CEP350: variants seen among roughly 807,000 people sequenced by gnomAD.
The protein encoded by CEP350 is centrosomal protein 350, also known as centrosome-associated protein 350.
CEP350 carries 126 observed loss-of-function variants against 331.8 expected under a neutral mutation model. The observed-to-expected ratio is 0.38, with a 90% CI of 0.33 to 0.44. The LOEUF is 0.44. CEP350 is among the 20% of genes least tolerant of loss of function. The pLI, the probability that CEP350 is intolerant of heterozygous loss-of-function variation, is 1.00. For synonymous variants in CEP350, 1,200 were observed against 1,259.5 expected, an observed-to-expected ratio of 0.95 and a Z score of 1.00; for missense variants, 3,406 against 3,634.6, an observed-to-expected ratio of 0.94 and a Z score of 1.62.
intron 14 of CEP350, among the ~76,000 whole-genome samples, chr1:180,026,342 A>G (rs975179040): frequency 2.0e-5 from 3 of 151,970 alleles, no homozygotes; most frequent in Admixed American, 6.6e-5. Flanking sequence ...CGAGGGCCTC[A>G]CTTTGTTGCC....
At chr1:180,006,285 A>G (rs375658338) in intron 7 of CEP350, among the ~76,000 whole-genome samples, 169 bp from the exon 8 acceptor site, 4 of 152,102 alleles carry the variant, frequency 2.6e-5, no homozygotes, top group East Asian at 3.9e-4. Flanking sequence ...CCTTTTTTCC[A>G]TAAAAGGAGT....
In CEP350 at chr1:180,112,071, A is replaced by G. The variant is rs1661488829; in HGVS notation, c.*910A>G. The G allele has an allele frequency of 6.6e-6, 1 of 152,666 alleles. No homozygotes were observed. The highest frequency in any genetic ancestry group is 2.4e-5 in the African/African-American group (1 of 41,462). 9.5% of individuals were successfully genotyped at this position (152,666 alleles called of 1,614,324 possible). On this transcript the variant is annotated 3_prime_UTR_variant, in exon 38 of 38. Transcript: ENST00000367607. ...TCCCCAAGAAGTCAGAGATGCTGTT[A>G]CTTGAATGATTTAGGAAATGAGTGT...
intron 37 of CEP350, among the ~76,000 whole-genome samples, chr1:180,110,293 G>T (rs577800923): frequency 4.3e-4 from 66 of 152,228 alleles, no homozygotes; most frequent in African/African-American, 1.5e-3. Context: ...ACATCACGAT[G>T]GTATGAAAGC....
At chr1:180,080,699 T>C in intron 30 of CEP350, 38 bp downstream of exon 30, 1 of 1,576,964 alleles carries the variant, frequency 6.3e-7, no homozygotes, top group Non-Finnish European at 8.7e-7. Context: ...TTGTGTTGTA[T>C]TTGAACAGCC....
intron 5 of CEP350, 24 bp downstream of exon 5, chr1:179,992,245 G>A (rs1341537752): frequency 1.2e-5 from 17 of 1,440,958 alleles, no homozygotes; most frequent in African/African-American, 1.5e-5. Flanking sequence ...AAAAAAAAAG[G>A]TATCAAATAG....
At chr1:180,077,639 T>C (rs1163467317) in intron 28 of CEP350, among the ~76,000 whole-genome samples, 1 of 123,166 alleles carries the variant, frequency 8.1e-6, no homozygotes, top group Non-Finnish European at 1.6e-5. Flanking sequence ...CACTCCAGCC[T>C]GGGTGACAAA....
intron 17 of CEP350, among the ~76,000 whole-genome samples, chr1:180,040,435 T>G (rs1335735092): frequency 6.6e-6 from 1 of 152,018 alleles, no homozygotes; most frequent in African/African-American, 2.4e-5. Flanking sequence ...CATTTTTTGT[T>G]TTCTTTTGTT....
intron 1 of CEP350, among the ~76,000 whole-genome samples, chr1:179,962,600 G>A (rs554570980): frequency 4.9e-4 from 75 of 152,136 alleles, no homozygotes; most frequent in African/African-American, 1.7e-3. Context: ...AGTAGAGATG[G>A]AGTTTCACTA....
chr1:180,055,737 G>A (rs112862569), intron 25 of CEP350, among the ~76,000 whole-genome samples: 123 of 151,614 alleles, frequency 8.1e-4, no homozygotes, highest in African/African-American at 2.7e-3. Flanking sequence ...TAGTAGAGAC[G>A]GGATTTCACC....
intron 1 of CEP350, among the ~76,000 whole-genome samples, chr1:179,968,200 A>G (rs1651160589): frequency 6.6e-6 from 1 of 151,980 alleles, no homozygotes; most frequent in Admixed American, 6.6e-5. Context: ...GCATGATGGT[A>G]TGTGCCTGTA....
chr1:180,018,573 C>T (rs1242892647), intron 11 of CEP350, among the ~76,000 whole-genome samples: 2 of 152,148 alleles, frequency 1.3e-5, no homozygotes, highest in South Asian at 2.1e-4. Context: ...GTCTTTCTTC[C>T]TTCATTCTAA....
At chr1:180,036,162 A>C (rs925814303) in intron 16 of CEP350, among the ~76,000 whole-genome samples, 2 of 152,242 alleles carry the variant, frequency 1.3e-5, no homozygotes, top group Non-Finnish European at 2.9e-5. Flanking sequence ...TGAAGATGTT[A>C]CTGAATTGCT....
intron 1 of CEP350, among the ~76,000 whole-genome samples, chr1:179,981,840 TA>T (rs56680511): frequency 3.4e-5 from 5 of 148,664 alleles, no homozygotes; most frequent in Non-Finnish European, 6.0e-5. Context: ...TCTATAAAAA[TA>T]AAAAAAAAAT....
In CEP350 at chr1:180,093,046, T is replaced by C. The variant is rs1660288142; in HGVS notation, c.6941T>C (p.Leu2314Pro). The change falls in exon 34 of 38, where the codon CTA (leucine) becomes CCA (proline). Residue 2314 changes from leucine to proline, a missense_variant. Physicochemically the swap from Leu to Pro is moderately conservative, Grantham distance 98. Transcript: ENST00000367607. ...GATTCTGAAAATGTTCAGAAAGACCTAGTTGGATTAGCTATTGAAAATCTC... is the reference window on the plus strand; with the variant it reads ...GATTCTGAAAATGTTCAGAAAGACCCAGTTGGATTAGCTATTGAAAATCTC... ...PLDSENVQKD[L>P]VGLAIENLHK... 1 of 1,605,976 alleles carries C rather than the reference T, an allele frequency of 6.2e-7. No homozygotes were observed. Among genetic ancestry groups the C allele is most frequent in the African/African-American group, 1.3e-5 (1 of 74,836 alleles).
At chr1:180,066,101 A>G (rs929293161) in intron 27 of CEP350, among the ~76,000 whole-genome samples, 1 of 152,150 alleles carries the variant, frequency 6.6e-6, no homozygotes, top group African/African-American at 2.4e-5. Flanking sequence ...TCTAAGAATT[A>G]TTTTGTAAAG....
intron 1 of CEP350, among the ~76,000 whole-genome samples, chr1:179,965,615 CTTTTTTTTTTT>C (rs747027286): frequency 2.4e-5 from 2 of 84,420 alleles, no homozygotes; most frequent in Non-Finnish European, 4.3e-5. Context: ...TTTTTCTTTT[CTTTTTTTTTTT>C]TTTTTTTTTT....
intron 1 of CEP350, among the ~76,000 whole-genome samples, chr1:179,975,853 A>G (rs1436449832): frequency 6.6e-6 from 1 of 152,196 alleles, no homozygotes; most frequent in Non-Finnish European, 1.5e-5. Flanking sequence ...TTAGGAAATA[A>G]AGCCATGAAA....
chr1:180,014,828 C>T (rs573369476), intron 10 of CEP350, among the ~76,000 whole-genome samples: 17 of 152,186 alleles, frequency 1.1e-4, no homozygotes, highest in Non-Finnish European at 2.2e-4. Context: ...GGGGTGCCAA[C>T]CCCTTTGCAG....
chr1:179,986,801 G>A (rs1652676985), intron 2 of CEP350, among the ~76,000 whole-genome samples: 1 of 152,168 alleles, frequency 6.6e-6, no homozygotes, highest in South Asian at 2.1e-4. Flanking sequence ...TTGAAGGGTT[G>A]TTATCTGAAA....
Sources: allele counts gnomAD v4.1 joint callset (sites outside exome capture counted in the v4.1 genomes callset), GRCh38; gene constraint gnomAD v4.1.1; transcripts MANE v1.5; gene names NCBI Gene and HGNC (gene_info 2026-07-23, HGNC 2026-07-21).